HUWE1: variants seen among roughly 807,000 people sequenced by gnomAD.
HUWE1 encodes the protein HECT, UBA and WWE domain containing E3 ubiquitin protein ligase 1.
Under a neutral mutation model 299.4 loss-of-function variants are expected in HUWE1, and 18 were observed. The observed-to-expected ratio is 0.06, with a 90% CI of 0.04 to 0.09. The LOEUF is 0.09. Ranked by LOEUF, HUWE1 falls within the 10% of genes least tolerant of loss-of-function variation. The probability of loss-of-function intolerance (pLI) is 1.00; values close to 1 mark genes in which losing one functional copy is unlikely to be tolerated. For missense variants in HUWE1, 1,832 were observed against 3,462.3 expected (o/e 0.53, Z 11.82); for synonymous variants, 1,317 against 1,286.1 (o/e 1.02, Z -0.51).
chrX:53,545,078 G>T lies in HUWE1; in HGVS notation c.10999C>A (p.Pro3667Thr). 8.3e-7 allele frequency: 1 copy of T among 1,209,966 alleles called. No homozygotes were observed. The highest frequency in any genetic ancestry group is 1.1e-6 in the Non-Finnish European group (1 of 894,480). Residue 3667 changes from proline to threonine, a missense_variant, in exon 71 of 84, where the codon CCT (proline) becomes ACT (threonine). Transcript: ENST00000262854. ...QCETLSPDGL[P>T]EEQPQTTKLK... is the part of the protein sequence containing the mutation. ...TTGGTGGTCTGTGGCTGCTCCTCAG[G>T]CAGGCCATCAGGAGAGAGGGTTTCA...
intron 4 of HUWE1, among the ~76,000 whole-genome samples, chrX:53,648,659 A>AG (rs1286872473): frequency 9.1e-6 from 1 of 110,314 alleles, no homozygotes; most frequent in Non-Finnish European, 1.9e-5. Context: ...ATCTAAAAAA[A>AG]AAAAAAAAAC....
chrX:53,594,107 AAAAAC>A (rs1343107707), intron 31 of HUWE1, among the ~76,000 whole-genome samples: 1 of 112,057 alleles, frequency 8.9e-6, no homozygotes, highest in Non-Finnish European at 1.9e-5. Context: ...AAAAAAAACA[AAAAAC>A]AAAACAAAAC....
chrX:53,579,958 TA>T (rs1184631803), intron 43 of HUWE1: 458 of 99,424 alleles, frequency 4.6e-3, no homozygotes, highest in African/African-American at 7.2e-3. Flanking sequence ...AAAAAAAAAT[TA>T]AAAAAAAAAA....
Position 53,614,822 on chromosome X carries a change from C to T in HUWE1, c.2050-77G>A, listed in dbSNP as rs910046468. Reference sequence around the variant, plus strand: ...GAGGAGACAGCTAACATATTTAGAGCGTTTTCTATGTGTTGTGTATTTGCC... The same window carrying T: ...GAGGAGACAGCTAACATATTTAGAGTGTTTTCTATGTGTTGTGTATTTGCC... On this transcript the variant is annotated intron_variant, in intron 22 of 83. Coordinates refer to ENST00000262854, the MANE Select transcript of HUWE1 (RefSeq NM_031407.7). The T allele has an allele frequency of 3.1e-5, 21 of 682,088 alleles. No homozygotes were observed. In the African/African-American group the frequency reaches 3.9e-4, roughly 13 times the overall value. The allele number at this position is 682,088 out of a possible 1,213,427, so 56.2% of individuals were successfully genotyped here. A position where few individuals can be genotyped will look rare whatever the true frequency, so the allele number is the denominator to read the frequency against.
At position 53,645,370 on chromosome X, in the gene HUWE1, T is replaced by C; in HGVS notation, c.445A>G (p.Thr149Ala). 1.7e-6 allele frequency: 2 copies of C among 1,209,183 alleles called. No individual in the cohort carries two copies. Among genetic ancestry groups the C allele is most frequent in the Non-Finnish European group, 2.2e-6 (2 of 894,358 alleles). Residue 149 changes from threonine to alanine, a missense_variant, in exon 7 of 84, where the codon ACT becomes GCT. Thr to Ala is a moderately conservative substitution (Grantham distance 58, BLOSUM62 0). Around this residue, in one of 15 missense-constraint regions of HUWE1, gnomAD observed 658 missense variants for 1,282.6 expected, o/e 0.51. Coordinates refer to ENST00000262854, the MANE Select transcript of HUWE1 (RefSeq NM_031407.7). Reference protein sequence around the residue: ...YVFSKRSNYITRLGSDKRTPL... With the variant: ...YVFSKRSNYIARLGSDKRTPL... ...GTCCTCTTGTCAGATCCCAGACGAGTGATGTAGTTTGATCTTTTGCTAAAT... is the reference window on the plus strand; with the variant it reads ...GTCCTCTTGTCAGATCCCAGACGAGCGATGTAGTTTGATCTTTTGCTAAAT...
intron 55 of HUWE1, among the ~76,000 whole-genome samples, chrX:53,560,742 C>A (rs1314868108): frequency 1.8e-5 from 2 of 112,021 alleles, no homozygotes; most frequent in African/African-American, 6.5e-5. Flanking sequence ...TTTACCTGCT[C>A]TTCTCTTCTT....
chrX:53,579,954 A>AG (rs1556965362), intron 43 of HUWE1: 1 of 108,218 alleles, frequency 9.2e-6, no homozygotes, highest in East Asian at 2.8e-4. Context: ...TAAAAAAAAA[A>AG]AATTAAAAAA....
chrX:53,673,447 C>T (rs1382510512), intron 3 of HUWE1, among the ~76,000 whole-genome samples: 1 of 111,541 alleles, frequency 9.0e-6, no homozygotes, highest in Non-Finnish European at 1.9e-5. Flanking sequence ...CTTATACATA[C>T]AGCCTGAAGG....
In HUWE1 at chrX:53,547,775, T is replaced by C; in HGVS notation, c.10534A>G (p.Thr3512Ala). ...GCAGCAACCAGGGCTGGAGCAGAAG[T>C]GACAGGGGTGGGTGCAGTAGGGGGT... ...PTPPTAPTPV[T>A]SAPALVAATA... The change falls in exon 68 of 84, where the codon ACT becomes GCT. Residue 3512 changes from threonine to alanine, a missense_variant. Transcript: ENST00000262854. 2 of 1,201,097 alleles carry C rather than the reference T, an allele frequency of 1.7e-6. No individual in the cohort carries two copies. Among genetic ancestry groups the C allele is most frequent in the Non-Finnish European group, 2.2e-6 (2 of 889,554 alleles).
intron 32 of HUWE1, 111 bp downstream of exon 32, chrX:53,593,253 T>G (rs2064261303): frequency 1.8e-6 from 1 of 571,011 alleles, no homozygotes; most frequent in South Asian, 2.7e-5. Flanking sequence ...ATCTGGGAGT[T>G]GGATCCAGTG....
At chrX:53,590,060 G>A (rs376854858) in intron 35 of HUWE1, among the ~76,000 whole-genome samples, 2 of 111,833 alleles carry the variant, frequency 1.8e-5, no homozygotes, top group South Asian at 3.7e-4. Flanking sequence ...ACTACCTCCC[G>A]CAAAATCATT....
intron 67 of HUWE1, 120 bp from the exon 68 acceptor site, chrX:53,548,393 G>A: frequency 1.2e-6 from 1 of 829,683 alleles, no homozygotes; most frequent in South Asian, 2.3e-5. Flanking sequence ...AAATATTGGG[G>A]GATATGTCAT....
chrX:53,535,848 A>AT (rs1198814401), intron 80 of HUWE1: 4 of 369,006 alleles, frequency 1.1e-5, no homozygotes, highest in African/African-American at 1.1e-4. Flanking sequence ...AACTGCCTTC[A>AT]TTTTCCCCCC....
Position 53,559,338 on chromosome X carries a change from C to T in HUWE1, c.7915+16G>A, listed in dbSNP as rs782815468. 8.3e-7 allele frequency: 1 copy of T among 1,205,510 alleles called. No individual in the cohort carries two copies. The highest frequency in any genetic ancestry group is 1.1e-6 in the Non-Finnish European group (1 of 889,571). On this transcript the variant is annotated intron_variant, in intron 57 of 83. Transcript: ENST00000262854. ...ATCTGACAAATTCTACCCTCCCTTT[C>T]ACCACACAAACTTGCCTGCTTGGCT...
chrX:53,617,212 C>T (rs782150655), intron 20 of HUWE1, 65 bp from the exon 21 acceptor site: 249 of 1,066,857 alleles, frequency 2.3e-4, no homozygotes, highest in Non-Finnish European at 2.9e-4. Context: ...AAAATCCGGC[C>T]ATGGGTATCA....
intron 20 of HUWE1, 60 bp from the exon 21 acceptor site, chrX:53,617,207 C>A (rs2065851699): frequency 9.2e-7 from 1 of 1,089,674 alleles, no homozygotes; most frequent in Admixed American, 2.3e-5. Context: ...CTAGGAAAAT[C>A]CGGCCATGGG....
At chrX:53,593,312 G>T in intron 32 of HUWE1, 52 bp downstream of exon 32, 1 of 888,943 alleles carries the variant, frequency 1.1e-6, no homozygotes, top group Non-Finnish European at 1.7e-6. Flanking sequence ...AATAGAGTGG[G>T]AACGACTTAG....
chrX:53,654,077 T>C lies in HUWE1; in HGVS notation c.31A>G (p.Thr11Ala). MKVDRTKLKK[T>A]PTEAPADCRA... Reference sequence around the variant, plus strand: ...TGGATACTTACAGCCTCAGTAGGTGTCTTCTTCAGTTTAGTCCTGTCTACT... The same window carrying C: ...TGGATACTTACAGCCTCAGTAGGTGCCTTCTTCAGTTTAGTCCTGTCTACT... The change falls in exon 4 of 84, where the codon ACA becomes GCA. Residue 11 changes from threonine (T) to alanine (A), a missense_variant. Physicochemically the swap from Thr to Ala is moderately conservative, Grantham distance 58. Coordinates refer to ENST00000262854, the MANE Select transcript of HUWE1 (RefSeq NM_031407.7). 1.7e-6 allele frequency: 2 copies of C among 1,189,751 alleles called. No homozygotes were observed. Among genetic ancestry groups the C allele is most frequent in the Non-Finnish European group, 2.3e-6 (2 of 876,165 alleles).
chrX:53,620,142 A>T (rs1477033830), intron 19 of HUWE1, among the ~76,000 whole-genome samples: 1 of 111,399 alleles, frequency 9.0e-6, no homozygotes, highest in Non-Finnish European at 1.9e-5. Context: ...GCCCTCAGTT[A>T]GTTCCCTTTG....
Sources: allele counts gnomAD v4.1 joint callset (sites outside exome capture counted in the v4.1 genomes callset), GRCh38; gene constraint gnomAD v4.1.1; regional missense constraint gnomAD v4.1.1; transcripts MANE v1.5; gene names NCBI Gene and HGNC (gene_info 2026-07-23, HGNC 2026-07-21).